SORD: variants seen among roughly 807,000 people sequenced by gnomAD.
SORD encodes the protein (R,R)-butanediol dehydrogenase.
A neutral mutation model predicts 35.6 loss-of-function variants in SORD; 18 were observed. The observed-to-expected ratio is 0.51, with a 90% CI of 0.35 to 0.75. The LOEUF (loss-of-function observed/expected upper bound fraction) is 0.75, where lower values mean the gene tolerates loss of function less well. SORD is among the 30% of genes least tolerant of loss of function. The pLI, the probability that SORD is intolerant of heterozygous loss-of-function variation, is 0.01. For synonymous variants in SORD, 106 were observed against 152.9 expected, an observed-to-expected ratio of 0.69 and a Z score of 2.26; for missense variants, 250 against 390.2, an observed-to-expected ratio of 0.64 and a Z score of 3.03.
At chr15:45,069,120 A>C in intron 7 of SORD, 68 bp downstream of exon 7, 12 of 1,219,364 alleles carry the variant, frequency 9.8e-6, no homozygotes, top group Non-Finnish European at 1.3e-5. Context: ...GTAGGGAGTC[A>C]AACTTCTTTA....
In SORD at chr15:45,073,563, T is replaced by G; in HGVS notation, c.*33T>G. 6.3e-7 allele frequency: 1 copy of G among 1,594,918 alleles called. No individual in the cohort carries two copies. Among genetic ancestry groups the G allele is most frequent in the Non-Finnish European group, 8.5e-7 (1 of 1,173,378 alleles). ...GGGCTCTGCCCTCATCCCCACAGTC[T>G]TGGGATCTCAGGGCACAATGGCTGG... On this transcript the variant is annotated 3_prime_UTR_variant, in exon 9 of 9. Coordinates refer to ENST00000267814, the MANE Select transcript of SORD (RefSeq NM_003104.6).
At position 45,023,233 on chromosome 15, in the gene SORD, G is replaced by A; in HGVS notation, c.-51G>A. ...CTCGGCTGGGTAGCGCCACCAGAGC[G>A]ACCAAACGTCCCGCGCCTTCCAGGC... On this transcript the variant is annotated 5_prime_UTR_variant, in exon 1 of 9. Coordinates refer to ENST00000267814, the MANE Select transcript of SORD (RefSeq NM_003104.6). The A allele has an allele frequency of 2.7e-6, 4 of 1,473,782 alleles. No homozygotes were observed. The highest frequency in any genetic ancestry group is 1.8e-4 in the Middle Eastern group (1 of 5,600). 91.3% of individuals were successfully genotyped at this position (1,473,782 alleles called of 1,614,324 possible). A position where few individuals can be genotyped will look rare whatever the true frequency, so the allele number is the denominator to read the frequency against.
At position 45,049,951 on chromosome 15, in the gene SORD, T is replaced by C. The variant is rs549576374; in HGVS notation, c.265+6530T>C. On this transcript the variant is annotated intron_variant, in intron 3 of 8. Coordinates refer to ENST00000267814, the MANE Select transcript of SORD (RefSeq NM_003104.6). ...AAAAACAAATCACAGTAAGACTGAG[T>C]TGTTTGCAAAATAAACTTTAGTCTT... is the stretch of plus-strand genomic sequence containing the variant. 2.6e-5 allele frequency among the ~76,000 whole-genome samples: 4 copies of C among 152,328 alleles called. No individual in the cohort carries two copies. The East Asian group carries it at 7.7e-4, about 29-fold the overall frequency.
rs1218807724 is a variant in SORD, at chr15:45,077,169, A to G, written c.*3639A>G. On this transcript the variant is annotated 3_prime_UTR_variant, in exon 9 of 9. Coordinates refer to ENST00000267814, the MANE Select transcript of SORD (RefSeq NM_003104.6). ...TTGCTCTAATAATAAAGTTGCAATGACAACCCTTGTTGCATATTTTTGTTC... is the reference window on the plus strand; with the variant it reads ...TTGCTCTAATAATAAAGTTGCAATGGCAACCCTTGTTGCATATTTTTGTTC... The G allele has an allele frequency of 6.9e-6, 1 of 143,944 alleles. No homozygotes were observed. The highest frequency in any genetic ancestry group is 3.0e-5 in the African/African-American group (1 of 33,702). The allele number at this position is 143,944 out of a possible 1,614,324, so 8.9% of individuals were successfully genotyped here. A position where few individuals can be genotyped will look rare whatever the true frequency, so the allele number is the denominator to read the frequency against.
intron 3 of SORD, among the ~76,000 whole-genome samples, chr15:45,050,254 T>C (rs1457164422): frequency 6.6e-6 from 1 of 152,176 alleles, no homozygotes; most frequent in Non-Finnish European, 1.5e-5. Flanking sequence ...GCTAATTTTT[T>C]GTATTTTTAG....
intron 3 of SORD, among the ~76,000 whole-genome samples, chr15:45,058,924 A>G (rs536439105): frequency 1.1e-4 from 17 of 152,308 alleles, no homozygotes; most frequent in African/African-American, 3.9e-4. Flanking sequence ...CTGAGCAACT[A>G]CGGGCATGTT....
intron 1 of SORD, among the ~76,000 whole-genome samples, chr15:45,024,149 A>G (rs1188939422): frequency 6.6e-6 from 1 of 152,202 alleles, no homozygotes; most frequent in African/African-American, 2.4e-5. Context: ...TCAGCAGCCT[A>G]GTCATGCCAA....
chr15:45,051,258 G>C (rs1372035941), intron 3 of SORD, among the ~76,000 whole-genome samples: 1 of 152,110 alleles, frequency 6.6e-6, no homozygotes, highest in Non-Finnish European at 1.5e-5. Flanking sequence ...CAAATACTCA[G>C]ACATTAGAAT....
At chr15:45,073,152 G>A (rs1893539877) in intron 8 of SORD, among the ~76,000 whole-genome samples, 2 of 130,342 alleles carry the variant, frequency 1.5e-5, no homozygotes, top group Admixed American at 1.4e-4. Context: ...AGAGTGAGCG[G>A]GTGGGTGAGG....
intron 3 of SORD, chr15:45,050,792 A>AC (rs1441815857): frequency 1.3e-5 from 2 of 152,240 alleles, no homozygotes; most frequent in Admixed American, 6.5e-5. Context: ...ACATACTCCA[A>AC]ATTTTGTTCA....
chr15:45,035,603 C>T (rs1330108091), intron 1 of SORD, among the ~76,000 whole-genome samples: 2 of 152,154 alleles, frequency 1.3e-5, no homozygotes, highest in Non-Finnish European at 1.5e-5. Context: ...AGCTGGCTGC[C>T]TGAGCCAGCA....
At chr15:45,023,384 C>T in intron 1 of SORD, 35 bp downstream of exon 1, 1 of 1,508,986 alleles carries the variant, frequency 6.6e-7, no homozygotes, top group Non-Finnish European at 8.9e-7. Flanking sequence ...GCATACCGAT[C>T]CTGCCTCACT....
At chr15:45,038,869 G>C (rs1481789162) in intron 1 of SORD, among the ~76,000 whole-genome samples, 1 of 152,070 alleles carries the variant, frequency 6.6e-6, no homozygotes, top group Non-Finnish European at 1.5e-5. Context: ...TTTCTTCATG[G>C]GGCCCAGCTC....
intron 3 of SORD, among the ~76,000 whole-genome samples, chr15:45,059,682 A>C (rs561760628): frequency 2.6e-5 from 4 of 152,264 alleles, no homozygotes; most frequent in African/African-American, 7.2e-5. Flanking sequence ...TTTTTTGTAA[A>C]GATGAGGTCT....
At chr15:45,032,400 A>C (rs189449172) in intron 1 of SORD, among the ~76,000 whole-genome samples, 1 of 152,136 alleles carries the variant, frequency 6.6e-6, no homozygotes, top group African/African-American at 2.4e-5. Context: ...TTATATATCA[A>C]TAGCCCTACC....
intron 1 of SORD, among the ~76,000 whole-genome samples, chr15:45,035,972 G>T (rs1417234141): frequency 1.3e-5 from 2 of 151,174 alleles, no homozygotes; most frequent in Non-Finnish European, 2.9e-5. Flanking sequence ...CACTCACGGC[G>T]AAGGTCTACA....
At chr15:45,046,536 T>G (rs377310310) in intron 3 of SORD, among the ~76,000 whole-genome samples, 11 of 152,328 alleles carry the variant, frequency 7.2e-5, no homozygotes, top group African/African-American at 2.6e-4. Flanking sequence ...TAAACCACCA[T>G]GCCCAGCTAA....
intron 4 of SORD, among the ~76,000 whole-genome samples, chr15:45,064,708 G>A (rs1334839825): frequency 2.6e-5 from 4 of 152,184 alleles, no homozygotes; most frequent in Admixed American, 1.3e-4. Flanking sequence ...TACAAAACTG[G>A]TGATAGTCAG....
In SORD at chr15:45,065,316, A is replaced by G. The variant is rs1893387175; in HGVS notation, c.471A>G (p.Pro157=). The change falls in exon 5 of 9, where the codon CCA becomes CCG. Residue 157 remains proline (P), a synonymous_variant. Transcript: ENST00000267814. ...TTGAGGAAGGCGCCCTGATCGAGCC[A>G]CTTTCTGTGGGGATCCATGCCTGCA... ...VTFEEGALIE[P]LSVGIHACRR... is the part of the protein sequence containing the mutation. 6.2e-7 allele frequency: 1 copy of G among 1,613,910 alleles called. No homozygotes were observed. Among genetic ancestry groups the G allele is most frequent in the Admixed American group, 1.7e-5 (1 of 60,002 alleles).
Sources: allele counts gnomAD v4.1 joint callset (sites outside exome capture counted in the v4.1 genomes callset), GRCh38; gene constraint gnomAD v4.1.1; transcripts MANE v1.5; gene names NCBI Gene and HGNC (gene_info 2026-07-23, HGNC 2026-07-21).